Variants in ZNF100 observed in about 807,000 individuals in gnomAD.
ZNF100 encodes zinc finger protein 100 (Y1).
In ZNF100, 12 loss-of-function variants were observed where a neutral mutation model predicts 15.8. The ratio of observed to expected loss-of-function variants is 0.76; its 90% CI spans 0.49 to 1.23. ZNF100 has a LOEUF of 1.23. ZNF100 is among the 50% of genes most tolerant of loss of function. ZNF100 has a pLI of 0.00. For synonymous variants in ZNF100, 226 were observed against 214.8 expected, an observed-to-expected ratio of 1.05 and a Z score of -0.45; for missense variants, 670 against 635.6, an observed-to-expected ratio of 1.05 and a Z score of -0.58.
chr19:21,763,984 T>A (rs935403160), intron 2 of ZNF100, among the ~76,000 whole-genome samples: 2 of 152,186 alleles, frequency 1.3e-5, no homozygotes, highest in Admixed American at 1.3e-4. Flanking sequence ...AACAACTTCA[T>A]CATCAGCAAG....
chr19:21,739,270 A>G (rs1478454936), intron 4 of ZNF100, among the ~76,000 whole-genome samples: 1 of 152,256 alleles, frequency 6.6e-6, no homozygotes, highest in Non-Finnish European at 1.5e-5. Flanking sequence ...AACAAGTCTT[A>G]TTGAAGAATA....
intron 4 of ZNF100, among the ~76,000 whole-genome samples, chr19:21,742,239 G>A (rs552532748): frequency 6.8e-4 from 102 of 150,260 alleles, no homozygotes; most frequent in Non-Finnish European, 1.4e-3. Flanking sequence ...GGGGGTTGCA[G>A]TGAGCCGAGA....
At chr19:21,748,588 T>C (rs1355304244) in intron 2 of ZNF100, among the ~76,000 whole-genome samples, 1 of 152,224 alleles carries the variant, frequency 6.6e-6, no homozygotes, top group African/African-American at 2.4e-5. Flanking sequence ...TAAGTATGTA[T>C]TCTAACAAAG....
At chr19:21,763,607 TA>T (rs1211676777) in intron 2 of ZNF100, among the ~76,000 whole-genome samples, 1 of 152,124 alleles carries the variant, frequency 6.6e-6, no homozygotes, top group African/African-American at 2.4e-5. Context: ...AAAAATCAGC[TA>T]AATTTGTCTT....
chr19:21,725,625 A>G lies in ZNF100; in HGVS notation c.*1058T>C, dbSNP rs146031386. 2.6e-5 allele frequency: 4 copies of G among 152,300 alleles called. No individual in the cohort carries two copies. The East Asian group carries it at 7.7e-4, about 29-fold the overall frequency. The allele number at this position is 152,300 out of a possible 1,614,324, so 9.4% of individuals were successfully genotyped here. A position where few individuals can be genotyped will look rare whatever the true frequency, so the allele number is the denominator to read the frequency against. On this transcript the variant is annotated 3_prime_UTR_variant, in exon 5 of 5. Transcript: ENST00000358296. ...TTCACATGTAAATAGGAGTGAAGAA[A>G]AGGCAGGAAATAATTTAAGAGTTGA... is the stretch of plus-strand genomic sequence containing the variant.
chr19:21,744,183 G>C lies in ZNF100; in HGVS notation c.224-68C>G. 2.3e-6 allele frequency: 3 copies of C among 1,310,408 alleles called. No homozygotes were observed. In the South Asian group the frequency reaches 6.0e-5, roughly 26 times the overall value. 81.2% of individuals were successfully genotyped at this position (1,310,408 alleles called of 1,614,324 possible). ...AATTACCAACCTAGTACTATGCTTA[G>C]TAAAGAGGAGGTGATAGAATATTCT... On this transcript the variant is annotated intron_variant, in intron 3 of 4. Transcript: ENST00000358296.
chr19:21,735,439 A>G (rs1045154289), intron 4 of ZNF100, among the ~76,000 whole-genome samples: 2 of 147,908 alleles, frequency 1.4e-5, no homozygotes, highest in Non-Finnish European at 3.0e-5. Context: ...GCTGGAAGTG[A>G]GCCAAGATTG....
Position 21,727,147 on chromosome 19 carries a change from TA to T in ZNF100, c.1164del (p.Thr389LeufsTer61). ...CGKAFYRFSY[L>X]TKHKTSHTGE... Reference sequence around the variant, plus strand: ...CCAGTATGACTTGTCTTATGTTTAGTAAGGTATGAGAATCGGTAAAAAGCTT... The same window carrying T: ...CCAGTATGACTTGTCTTATGTTTAGTAGGTATGAGAATCGGTAAAAAGCTT... On this transcript the variant is annotated frameshift_variant, in exon 5 of 5. Coordinates refer to ENST00000358296, the MANE Select transcript of ZNF100 (RefSeq NM_173531.4). LOFTEE classifies it low-confidence loss of function (END_TRUNC). The T allele has an allele frequency of 6.2e-7, 1 of 1,611,974 alleles. No homozygotes were observed.
rs2035794960 is a variant in ZNF100, at chr19:21,726,756, C to T, written c.1556G>A (p.Gly519Asp). 1.2e-6 allele frequency: 2 copies of T among 1,611,468 alleles called. No individual in the cohort carries two copies. The highest frequency in any genetic ancestry group is 1.7e-6 in the Non-Finnish European group (2 of 1,179,078). Residue 519 changes from glycine (G) to aspartate (D), a missense_variant, in exon 5 of 5, where the codon GGT (glycine) becomes GAT (aspartate). By Grantham distance (94) the Gly-to-Asp change is moderately conservative. Coordinates refer to ENST00000358296, the MANE Select transcript of ZNF100 (RefSeq NM_173531.4). ...GCTTAGGGACTGGTTAAAGTCTTTA[C>T]CACATTCTTCCCATTTGTAAGATTT... ...GEKSYKWEEC[G>D]KDFNQSLSLI... is the part of the protein sequence containing the mutation.
chr19:21,758,248 C>T (rs896488436), intron 2 of ZNF100, among the ~76,000 whole-genome samples: 3 of 151,916 alleles, frequency 2.0e-5, no homozygotes, highest in South Asian at 2.1e-4. Flanking sequence ...CACATGGACA[C>T]GAGGAACAGT....
intron 1 of ZNF100, among the ~76,000 whole-genome samples, chr19:21,766,655 A>G (rs1357799108): frequency 2.0e-5 from 3 of 152,166 alleles, no homozygotes; most frequent in Non-Finnish European, 4.4e-5. Context: ...ACAACAAACT[A>G]CAAACCATAG....
chr19:21,763,859 T>TA (rs1409768019), intron 2 of ZNF100, among the ~76,000 whole-genome samples: 2 of 152,212 alleles, frequency 1.3e-5, no homozygotes, highest in Admixed American at 6.5e-5. Flanking sequence ...TGGCAATTCT[T>TA]AAAGTTTTTA....
chr19:21,726,924 C>G lies in ZNF100; in HGVS notation c.1388G>C (p.Gly463Ala). The G allele has an allele frequency of 6.2e-7, 1 of 1,611,110 alleles. No individual in the cohort carries two copies. Among genetic ancestry groups the G allele is most frequent in the South Asian group, 1.1e-5 (1 of 90,282 alleles). ...GEKPYKCDEC[G>A]KAFNRSSQLT... Reference sequence around the variant, plus strand: ...TTGTGAGGACCGGTTAAAGGCTTTGCCACATTCGTCACATTTGTAGGGTTT... The same window carrying G: ...TTGTGAGGACCGGTTAAAGGCTTTGGCACATTCGTCACATTTGTAGGGTTT... The change falls in exon 5 of 5, where the codon GGC becomes GCC. Residue 463 changes from glycine (G) to alanine (A), a missense_variant. Transcript: ENST00000358296.
At chr19:21,759,319 G>A (rs2036441956) in intron 2 of ZNF100, among the ~76,000 whole-genome samples, 2 of 152,176 alleles carry the variant, frequency 1.3e-5, no homozygotes, top group South Asian at 2.1e-4. Flanking sequence ...AAGAGGTGGG[G>A]AAAGATGAAA....
In ZNF100 at chr19:21,727,496, C is replaced by T. The variant is rs772070355; in HGVS notation, c.816G>A (p.Arg272=). The T allele has an allele frequency of 1.9e-6, 3 of 1,613,396 alleles. No homozygotes were observed. The highest frequency in any genetic ancestry group is 2.5e-6 in the Non-Finnish European group (3 of 1,179,728). Residue 272 remains arginine (R), a synonymous_variant, in exon 5 of 5, where the codon CGG becomes CGA. Transcript: ENST00000358296. ...KCEECGKAFN[R]SSHLTTHKII... ...TCTTATGTGTAGTAAGGTGTGAGGA[C>T]CGGTTAAATGCTTTCCCACATTCTT... is the stretch of plus-strand genomic sequence containing the variant.
In ZNF100 at chr19:21,723,095, T is replaced by C. The variant is rs575026043; in HGVS notation, c.*3588A>G. On this transcript the variant is annotated 3_prime_UTR_variant, in exon 5 of 5. Transcript: ENST00000358296. ...AGCTGGGTGCAGTGGCTTATGCCTG[T>C]AATCCAAGCACTTTGGGAGGCTGAG... The C allele has an allele frequency of 3.9e-5, 6 of 152,116 alleles. No homozygotes were observed. The highest frequency in any genetic ancestry group is 1.4e-4 in the African/African-American group (6 of 41,484). 9.4% of individuals were successfully genotyped at this position (152,116 alleles called of 1,614,324 possible).
intron 2 of ZNF100, among the ~76,000 whole-genome samples, chr19:21,758,737 G>A (rs1432745842): frequency 3.3e-5 from 5 of 152,206 alleles, no homozygotes; most frequent in Non-Finnish European, 7.3e-5. Context: ...ACACGTCAAT[G>A]TCTAGTGGGT....
At chr19:21,746,767 G>C (rs2036217950) in intron 2 of ZNF100, 1 of 152,120 alleles carries the variant, frequency 6.6e-6, no homozygotes, top group African/African-American at 2.4e-5. Flanking sequence ...AATACTAAAT[G>C]CATGAGACTC....
intron 4 of ZNF100, among the ~76,000 whole-genome samples, chr19:21,729,615 C>A (rs983638232): frequency 1.3e-5 from 2 of 151,606 alleles, no homozygotes; most frequent in African/African-American, 4.8e-5. Flanking sequence ...CAAAAAACAA[C>A]AAAAAAATAC....
Sources: gnomAD v4.1 joint callset for allele counts (sites outside exome capture counted in the v4.1 genomes callset) on GRCh38, gnomAD v4.1.1 for gene constraint, MANE v1.5 for transcripts, NCBI Gene and HGNC (gene_info 2026-07-23, HGNC 2026-07-21) for gene names.